PARD3: variants seen among roughly 807,000 people sequenced by gnomAD.
PARD3 encodes the protein partitioning defective 3 homolog.
Under a neutral mutation model 155.4 loss-of-function variants are expected in PARD3, and 75 were observed. The ratio of observed to expected loss-of-function variants is 0.48; its 90% CI spans 0.40 to 0.58. The LOEUF (loss-of-function observed/expected upper bound fraction) is 0.58. PARD3 is among the 20% of genes least tolerant of loss of function. The probability of loss-of-function intolerance (pLI) is 0.00; values close to 1 mark genes in which losing one functional copy is unlikely to be tolerated. For missense variants in PARD3, 1,642 were observed against 1,721.7 expected (o/e 0.95, Z 0.82); for synonymous variants, 576 against 610.5 (o/e 0.94, Z 0.83).
chr10:34,300,971 C>T (rs1356086007), intron 20 of PARD3, among the ~76,000 whole-genome samples: 1 of 152,148 alleles, frequency 6.6e-6, no homozygotes, highest in Non-Finnish European at 1.5e-5. Context: ...AAATTAATTC[C>T]TTATATCCTA....
chr10:34,664,609 C>T (rs2093405306), intron 2 of PARD3, among the ~76,000 whole-genome samples: 2 of 152,220 alleles, frequency 1.3e-5, no homozygotes, highest in African/African-American at 4.8e-5. Context: ...CCTCAGCCTC[C>T]TGGGTAGCTG....
intron 3 of PARD3, among the ~76,000 whole-genome samples, chr10:34,483,710 G>A (rs545392941): frequency 6.6e-6 from 1 of 152,222 alleles, no homozygotes; most frequent in African/African-American, 2.4e-5. Context: ...ACAGTGCCCG[G>A]AAAACTAAAT....
chr10:34,745,059 T>C (rs933190900), intron 1 of PARD3, among the ~76,000 whole-genome samples: 9 of 152,108 alleles, frequency 5.9e-5, no homozygotes, highest in African/African-American at 1.7e-4. Context: ...AACCTCATCG[T>C]TTTACAAATA....
At chr10:34,328,284 G>C (rs75456559) in intron 19 of PARD3, among the ~76,000 whole-genome samples, 13 of 152,246 alleles carry the variant, frequency 8.5e-5, no homozygotes, top group African/African-American at 3.1e-4. Context: ...GATTTGCCAA[G>C]CTTTGTGTTT....
intron 1 of PARD3, among the ~76,000 whole-genome samples, chr10:34,747,837 A>G (rs571463599): frequency 1.3e-5 from 2 of 152,324 alleles, no homozygotes; most frequent in African/African-American, 4.8e-5. Flanking sequence ...CAACTGGCTG[A>G]CTCAGCATCC....
At chr10:34,626,212 G>C (rs1564432582) in intron 2 of PARD3, among the ~76,000 whole-genome samples, 1 of 152,186 alleles carries the variant, frequency 6.6e-6, no homozygotes, top group Non-Finnish European at 1.5e-5. Flanking sequence ...ACAGCCAGGA[G>C]TTGGGACCAA....
intron 7 of PARD3, among the ~76,000 whole-genome samples, chr10:34,389,516 G>T (rs937582759): frequency 1.3e-5 from 2 of 152,088 alleles, no homozygotes; most frequent in Non-Finnish European, 2.9e-5. Context: ...ATGTTTTATT[G>T]ACATCCAAAT....
At chr10:34,684,878 T>TACACACACACACAC (rs57035644) in intron 2 of PARD3, among the ~76,000 whole-genome samples, 13 of 137,776 alleles carry the variant, frequency 9.4e-5, no homozygotes, top group South Asian at 2.4e-4. Context: ...TACACACACA[T>TACACACACACACAC]ACACACACAC....
intron 4 of PARD3, among the ~76,000 whole-genome samples, chr10:34,462,492 C>T (rs1179172805): frequency 6.6e-6 from 1 of 152,178 alleles, no homozygotes; most frequent in Middle Eastern, 3.2e-3. Context: ...TTCAAATTTA[C>T]TAATATGACA....
chr10:34,177,587 C>T (rs1950090052), intron 22 of PARD3, among the ~76,000 whole-genome samples: 1 of 152,224 alleles, frequency 6.6e-6, no homozygotes, highest in South Asian at 2.1e-4. Flanking sequence ...GCTTTCAAGT[C>T]TGACCTTTCC....
intron 1 of PARD3, among the ~76,000 whole-genome samples, chr10:34,713,968 C>A (rs1048218916): frequency 2.2e-4 from 33 of 152,200 alleles, no homozygotes; most frequent in African/African-American, 6.7e-4. Flanking sequence ...TAATCCAAAA[C>A]AACCAACCTG....
chr10:34,692,616 TG>T (rs1295825227), intron 2 of PARD3, among the ~76,000 whole-genome samples: 6 of 152,338 alleles, frequency 3.9e-5, no homozygotes, highest in African/African-American at 1.4e-4. Context: ...GGCTTACGCC[TG>T]TAATCCTAGC....
intron 5 of PARD3, among the ~76,000 whole-genome samples, chr10:34,418,202 G>T (rs766868969): frequency 6.6e-6 from 1 of 151,986 alleles, no homozygotes; most frequent in Admixed American, 6.6e-5. Flanking sequence ...TTGAGGCGTG[G>T]TCTTGTTCTA....
intron 1 of PARD3, among the ~76,000 whole-genome samples, chr10:34,751,793 A>C (rs1311169623): frequency 2.7e-5 from 4 of 147,232 alleles, no homozygotes; most frequent in Non-Finnish European, 6.0e-5. Context: ...TTTTTAATAG[A>C]GATGAGGTCT....
rs368102401 is a variant in PARD3 at position 34,490,494 on chromosome 10, C to T, written c.404-20231G>A. 8.9e-4 allele frequency among the ~76,000 whole-genome samples: 135 copies of T among 152,182 alleles called. 1 individual carries two copies. The South Asian group carries it at 9.6e-3, about 11-fold the overall frequency. ...ACATTTACTGGGATTAACAGAAATG[C>T]GTTGGGTGCCCTTAATCTATACATT... On this transcript the variant is annotated intron_variant, in intron 3 of 24. Coordinates refer to ENST00000374788, the MANE Select transcript of PARD3 (RefSeq NM_001184785.2).
intron 5 of PARD3, among the ~76,000 whole-genome samples, chr10:34,429,509 C>T (rs12098311): frequency 2.0e-5 from 3 of 151,912 alleles, no homozygotes; most frequent in African/African-American, 4.8e-5. Context: ...GATAATCCTG[C>T]CTCAGCCTTC....
At chr10:34,559,788 T>C (rs1359043278) in intron 2 of PARD3, among the ~76,000 whole-genome samples, 3 of 152,144 alleles carry the variant, frequency 2.0e-5, no homozygotes, top group African/African-American at 7.2e-5. Flanking sequence ...CTTACCTACT[T>C]GATGAGAATA....
chr10:34,778,170 C>A (rs533643548), intron 1 of PARD3, among the ~76,000 whole-genome samples: 3 of 152,146 alleles, frequency 2.0e-5, no homozygotes, highest in Non-Finnish European at 4.4e-5. Context: ...ACTTATAGTA[C>A]CTAATACAAA....
At chr10:34,223,840 G>T (rs1952445593) in intron 22 of PARD3, among the ~76,000 whole-genome samples, 1 of 152,166 alleles carries the variant, frequency 6.6e-6, no homozygotes, top group African/African-American at 2.4e-5. Context: ...TATTGAATGG[G>T]AAACTGGGGC....
Sources: gnomAD v4.1 joint callset for allele counts (sites outside exome capture counted in the v4.1 genomes callset) on GRCh38, gnomAD v4.1.1 for gene constraint, MANE v1.5 for transcripts, NCBI Gene and HGNC (gene_info 2026-07-23, HGNC 2026-07-21) for gene names.